Variants in HTRA4 observed in about 807,000 individuals in gnomAD.
The protein encoded by HTRA4 is serine protease HTRA4.
A neutral mutation model predicts 49.1 loss-of-function variants in HTRA4; 46 were observed. The ratio of observed to expected loss-of-function variants is 0.94; its 90% CI spans 0.74 to 1.20. The LOEUF is 1.20. Ranked by LOEUF, HTRA4 falls within the 50% of genes most tolerant of loss-of-function variation. The pLI, the probability that HTRA4 is intolerant of heterozygous loss-of-function variation, is 0.00. For missense variants in HTRA4, 602 were observed against 636.9 expected, an observed-to-expected ratio of 0.95 and a Z score of 0.59; for synonymous variants, 261 against 264.0, an observed-to-expected ratio of 0.99 and a Z score of 0.11.
At position 38,982,487 on chromosome 8, in the gene HTRA4, T is replaced by C; in HGVS notation, c.1115-11T>C. The C allele has an allele frequency of 6.2e-7, 1 of 1,612,222 alleles. No individual in the cohort carries two copies. The highest frequency in any genetic ancestry group is 8.5e-7 in the Non-Finnish European group (1 of 1,178,206). ...GGTTTTGTTGTAACACATCATAACT[T>C]TCCTTTCCAGGAAAGGCGTTTTCAA... On this transcript the variant is annotated splice_polypyrimidine_tract_variant and intron_variant, in intron 6 of 8. Coordinates refer to ENST00000302495, the MANE Select transcript of HTRA4 (RefSeq NM_153692.4).
chr8:38,980,009 A>G (rs1835399311), intron 5 of HTRA4, among the ~76,000 whole-genome samples: 1 of 151,610 alleles, frequency 6.6e-6, no homozygotes, highest in Non-Finnish European at 1.5e-5. Flanking sequence ...AAAAGCCACA[A>G]CCAGCACTCC....
chr8:38,983,153 A>G (rs1414094057), intron 8 of HTRA4, 105 bp downstream of exon 8: 1 of 674,070 alleles, frequency 1.5e-6, no homozygotes, highest in South Asian at 1.9e-5. Context: ...TACAGTGGCC[A>G]CTACTTACAT....
At chr8:38,980,893 T>G (rs1164381165) in intron 5 of HTRA4, among the ~76,000 whole-genome samples, 3 of 152,188 alleles carry the variant, frequency 2.0e-5, no homozygotes, top group Non-Finnish European at 2.9e-5. Flanking sequence ...TTGCTAATTC[T>G]CAGTGCAGTG....
Position 38,974,292 on chromosome 8 carries a change from G to A in HTRA4, c.29G>A (p.Gly10Glu), listed in dbSNP as rs759424979. 1 of 1,612,464 alleles carries A rather than the reference G, an allele frequency of 6.2e-7. No homozygotes were observed. The highest frequency in any genetic ancestry group is 1.1e-5 in the South Asian group (1 of 90,730). ...ATTAGACCTCAGCTGCGGACCGCGG[G>A]GCTGGGACGATGCCTCCTGCCGGGG... MIRPQLRTA[G>E]LGRCLLPGLL... The change falls in exon 1 of 9, where the codon GGG becomes GAG. Residue 10 changes from glycine to glutamate, a missense_variant. Coordinates refer to ENST00000302495, the MANE Select transcript of HTRA4 (RefSeq NM_153692.4).
intron 2 of HTRA4, 27 bp downstream of exon 2, chr8:38,975,157 C>T: frequency 6.2e-7 from 1 of 1,603,690 alleles, no homozygotes; most frequent in Non-Finnish European, 8.5e-7. Context: ...AAGACCTCCA[C>T]TGTCCCAGCT....
intron 4 of HTRA4, 85 bp from the exon 5 acceptor site, chr8:38,979,129 TA>T: frequency 7.8e-7 from 1 of 1,284,422 alleles, no homozygotes. Context: ...CTGCTTTTGG[TA>T]AACTGTTTTG....
intron 5 of HTRA4, 69 bp downstream of exon 5, chr8:38,979,316 CA>C: frequency 4.2e-6 from 6 of 1,428,004 alleles, no homozygotes; most frequent in Non-Finnish European, 5.9e-6. Context: ...AATTCCAGGC[CA>C]GGGGTGGTGG....
chr8:38,987,832 C>T, intron 8 of HTRA4, 104 bp from the exon 9 acceptor site: 1 of 974,676 alleles, frequency 1.0e-6, no homozygotes, highest in Non-Finnish European at 1.4e-6. Flanking sequence ...ATGCTTAATG[C>T]CAGCAAAATA....
intron 4 of HTRA4, 106 bp from the exon 5 acceptor site, chr8:38,979,109 G>A: frequency 9.7e-7 from 1 of 1,035,356 alleles, no homozygotes; most frequent in East Asian, 2.4e-5. Context: ...GGGAATAGGA[G>A]CTTGGTGGGC....
In HTRA4 at chr8:38,987,878, G is replaced by T; in HGVS notation, c.1269-58G>T. ...GACAGAAATATTAAATTATAGATGGGGATAAGTAAAATTCTTGTTATAGTT... is the reference window on the plus strand; with the variant it reads ...GACAGAAATATTAAATTATAGATGGTGATAAGTAAAATTCTTGTTATAGTT... On this transcript the variant is annotated intron_variant, in intron 8 of 8. Coordinates refer to ENST00000302495, the MANE Select transcript of HTRA4 (RefSeq NM_153692.4). 6.4e-6 allele frequency: 9 copies of T among 1,414,732 alleles called. No individual in the cohort carries two copies. The South Asian group carries it at 8.9e-5, about 14-fold the overall frequency. 87.6% of individuals were successfully genotyped at this position (1,414,732 alleles called of 1,614,324 possible).
At position 38,987,907 on chromosome 8, in the gene HTRA4, T is replaced by G. The variant is rs200076196; in HGVS notation, c.1269-29T>G. 2.0e-6 allele frequency: 3 copies of G among 1,527,140 alleles called. No homozygotes were observed. The East Asian group carries it at 7.2e-5, about 37-fold the overall frequency. The allele number at this position is 1,527,140 out of a possible 1,614,324, so 94.6% of individuals were successfully genotyped here. On this transcript the variant is annotated intron_variant, in intron 8 of 8. Coordinates refer to ENST00000302495, the MANE Select transcript of HTRA4 (RefSeq NM_153692.4). Reference sequence around the variant, plus strand: ...AAGTAAAATTCTTGTTATAGTTTCATGATCCTCTTTTTTTTCTCCCTCTCT... The same window carrying G: ...AAGTAAAATTCTTGTTATAGTTTCAGGATCCTCTTTTTTTTCTCCCTCTCT...
rs10100530 is a variant in HTRA4 at position 38,981,083 on chromosome 8, T to G, written c.1000-570T>G. Among the ~76,000 whole-genome samples, 168 of 51,156 alleles carry G rather than the reference T, an allele frequency of 3.3e-3. 1 individual carries two copies. The highest frequency in any genetic ancestry group is 6.8e-3 in the East Asian group (4 of 584). 33.6% of individuals were successfully genotyped at this position (51,156 alleles called of 152,430 possible). On this transcript the variant is annotated intron_variant, in intron 5 of 8. Coordinates refer to ENST00000302495, the MANE Select transcript of HTRA4 (RefSeq NM_153692.4). ...CTTAAGTTTTTTTTTTTTTTTTTTT[T>G]TTTTTTTTTTTTTTGAGACGGAGTC...
rs1725912722 is a variant in HTRA4, at chr8:38,974,402, ACGCGCTGCCCCGCGCTGCCCACCTG to A, written c.147_171del (p.Cys49TrpfsTer150). The A allele has an allele frequency of 6.4e-7, 1 of 1,561,968 alleles. No homozygotes were observed. ...CTCCTGCCCCGCGGTCTGCCAGCCC[ACGCGCTGCCCCGCGCTGCCCACCTG>A]CGCGCTGGGGACCACGCCGGTGTTC... On this transcript the variant is annotated frameshift_variant, in exon 1 of 9. Transcript: ENST00000302495. LOFTEE classifies it high-confidence loss of function.
At chr8:38,986,589 C>T (rs979862830) in intron 8 of HTRA4, among the ~76,000 whole-genome samples, 9 of 152,152 alleles carry the variant, frequency 5.9e-5, no homozygotes, top group Non-Finnish European at 8.8e-5. Flanking sequence ...TTTTATACAC[C>T]TGTTTGTGCT....
intron 6 of HTRA4, among the ~76,000 whole-genome samples, chr8:38,981,972 C>T (rs1041781187): frequency 3.9e-5 from 6 of 152,034 alleles, no homozygotes; most frequent in African/African-American, 7.2e-5. Context: ...CTCAGCCTTC[C>T]GAGTAGCTGG....
chr8:38,974,332 G>C lies in HTRA4; in HGVS notation c.69G>C (p.Leu23=). Residue 23 remains leucine, a synonymous_variant, in exon 1 of 9, where the codon CTG becomes CTC. Coordinates refer to ENST00000302495, the MANE Select transcript of HTRA4 (RefSeq NM_153692.4). ...RCLLPGLLLL[L]VPVLWAGAEK... is the part of the protein sequence containing the mutation. ...TCCTGCCGGGGCTGCTGCTGCTCCTGGTGCCCGTCCTCTGGGCCGGGGCTG... is the reference window on the plus strand; with the variant it reads ...TCCTGCCGGGGCTGCTGCTGCTCCTCGTGCCCGTCCTCTGGGCCGGGGCTG... The C allele has an allele frequency of 6.2e-7, 1 of 1,612,594 alleles. No individual in the cohort carries two copies. Among genetic ancestry groups the C allele is most frequent in the Non-Finnish European group, 8.5e-7 (1 of 1,179,734 alleles).
At chr8:38,979,092 G>C in intron 4 of HTRA4, 123 bp from the exon 5 acceptor site, 1 of 881,044 alleles carries the variant, frequency 1.1e-6, no homozygotes, top group South Asian at 1.4e-5. Context: ...AATTTTGCCG[G>C]CCTGGGGGGA....
In HTRA4 at chr8:38,982,525, T is replaced by A. The variant is rs780564229; in HGVS notation, c.1142T>A (p.Leu381Gln). The change falls in exon 7 of 9, where the codon CTG becomes CAG. Residue 381 changes from leucine to glutamine, a missense_variant. Transcript: ENST00000302495. ...KGKAFSNKKY[L>Q]GLQMLSLTVP... ...AAGGCGTTTTCAAATAAGAAATATCTGGGTCTGCAAATGCTGTCCCTCACT... is the reference window on the plus strand; with the variant it reads ...AAGGCGTTTTCAAATAAGAAATATCAGGGTCTGCAAATGCTGTCCCTCACT... 6.2e-7 allele frequency: 1 copy of A among 1,614,204 alleles called. No individual in the cohort carries two copies. The highest frequency in any genetic ancestry group is 1.7e-5 in the Admixed American group (1 of 60,028).
chr8:38,975,961 A>G (rs931284662), intron 2 of HTRA4, among the ~76,000 whole-genome samples: 1 of 152,160 alleles, frequency 6.6e-6, no homozygotes, highest in African/African-American at 2.4e-5. Flanking sequence ...GGGCTGCTAC[A>G]CTAACCAGCT....
Sources: allele counts gnomAD v4.1 joint callset (sites outside exome capture counted in the v4.1 genomes callset), GRCh38; gene constraint gnomAD v4.1.1; transcripts MANE v1.5; gene names NCBI Gene and HGNC (gene_info 2026-07-23, HGNC 2026-07-21).